Variants in PAFAH2 observed in about 807,000 individuals in gnomAD.
PAFAH2 encodes the protein platelet-activating factor acetylhydrolase 2, cytoplasmic.
In PAFAH2, 42 loss-of-function variants were observed where a neutral mutation model predicts 49.0. That is an observed-to-expected ratio of 0.86 (90% CI 0.67 to 1.11). PAFAH2 has a LOEUF of 1.11. Ranked by LOEUF, PAFAH2 falls within the 50% of genes least tolerant of loss-of-function variation. The probability of loss-of-function intolerance (pLI) is 0.00; values close to 1 mark genes in which losing one functional copy is unlikely to be tolerated. For missense variants in PAFAH2, 503 were observed against 501.8 expected, an observed-to-expected ratio of 1.00 and a Z score of -0.02; for synonymous variants, 184 against 181.3, an observed-to-expected ratio of 1.01 and a Z score of -0.12.
rs1238469637 is a variant in PAFAH2, at chr1:25,959,968, A to T, written c.*2021T>A. The T allele has an allele frequency of 6.6e-6, 1 of 152,220 alleles. No homozygotes were observed. The highest frequency in any genetic ancestry group is 6.6e-5 in the Admixed American group (1 of 15,264). 9.4% of individuals were successfully genotyped at this position (152,220 alleles called of 1,614,324 possible). A position where few individuals can be genotyped will look rare whatever the true frequency, so the allele number is the denominator to read the frequency against. ...GAAGGTAGGAAATATACTTTTAAGT[A>T]ACCCATGGGTTATACATCCTCTCAC... On this transcript the variant is annotated 3_prime_UTR_variant, in exon 11 of 11. Coordinates refer to ENST00000374282, the MANE Select transcript of PAFAH2 (RefSeq NM_000437.4).
At chr1:25,979,957 T>C (rs868776453) in intron 7 of PAFAH2, among the ~76,000 whole-genome samples, 9 of 152,326 alleles carry the variant, frequency 5.9e-5, no homozygotes, top group Middle Eastern at 6.8e-3. Flanking sequence ...TGGACCTCAG[T>C]GCCCAGGGCA....
At chr1:25,981,190 C>T (rs982163129) in intron 7 of PAFAH2, among the ~76,000 whole-genome samples, 1 of 148,516 alleles carries the variant, frequency 6.7e-6, no homozygotes, top group Non-Finnish European at 1.5e-5. Flanking sequence ...GGCCACAAAA[C>T]AGCTTGTATT....
intron 10 of PAFAH2, among the ~76,000 whole-genome samples, chr1:25,966,285 A>G (rs1490418794): frequency 6.6e-6 from 1 of 152,198 alleles, no homozygotes; most frequent in Non-Finnish European, 1.5e-5. Flanking sequence ...CCAAAGGGAA[A>G]GAAATCATTA....
At position 25,974,642 on chromosome 1, in the gene PAFAH2, A is replaced by C; in HGVS notation, c.767T>G (p.Val256Gly). Residue 256 changes from valine (V) to glycine (G), a missense_variant, in exon 9 of 11, where the codon GTG (valine) becomes GGG (glycine). Coordinates refer to ENST00000374282, the MANE Select transcript of PAFAH2 (RefSeq NM_000437.4). ...LAKETQFRCA[V>G]ALDAWMFPLE... ...AGGAAACATCCAAGCATCCAGAGCCACCGCACACCTGGAATAGGACCAGAC... is the reference window on the plus strand; with the variant it reads ...AGGAAACATCCAAGCATCCAGAGCCCCCGCACACCTGGAATAGGACCAGAC... 1 of 1,613,454 alleles carries C rather than the reference A, an allele frequency of 6.2e-7. No individual in the cohort carries two copies. Among genetic ancestry groups the C allele is most frequent in the Non-Finnish European group, 8.5e-7 (1 of 1,179,690 alleles).
At chr1:25,978,127 A>G (rs2049624321) in intron 7 of PAFAH2, among the ~76,000 whole-genome samples, 1 of 152,032 alleles carries the variant, frequency 6.6e-6, no homozygotes, top group Admixed American at 6.6e-5. Context: ...TGTCTATTCC[A>G]AGGCTTTGTA....
intron 10 of PAFAH2, among the ~76,000 whole-genome samples, chr1:25,967,585 T>C (rs572933548): frequency 1.7e-4 from 26 of 152,082 alleles, no homozygotes; most frequent in Non-Finnish European, 3.1e-4. Flanking sequence ...TTCCAGAAGT[T>C]GGGGAATGAG....
intron 6 of PAFAH2, among the ~76,000 whole-genome samples, chr1:25,983,147 T>C (rs537401810): frequency 6.0e-4 from 91 of 152,134 alleles, no homozygotes; most frequent in African/African-American, 2.1e-3. Context: ...CTCCAGCACT[T>C]TGGAAGGCCA....
chr1:25,996,435 C>T (rs1008220711), intron 1 of PAFAH2, among the ~76,000 whole-genome samples: 38 of 152,046 alleles, frequency 2.5e-4, no homozygotes, highest in Non-Finnish European at 5.0e-4. Flanking sequence ...GTCAGGAGAT[C>T]GAGACCATCC....
intron 7 of PAFAH2, among the ~76,000 whole-genome samples, chr1:25,977,716 T>G (rs1006147450): frequency 1.4e-4 from 21 of 151,164 alleles, no homozygotes; most frequent in Admixed American, 1.4e-3. Flanking sequence ...GATTCCACAC[T>G]GACCCATCAG....
At chr1:25,990,593 G>C in intron 2 of PAFAH2, 134 bp downstream of exon 2, 1 of 656,182 alleles carries the variant, frequency 1.5e-6, no homozygotes, top group South Asian at 2.0e-5. Context: ...AGACCTGGGG[G>C]CTTGATAACC....
chr1:25,985,329 C>T (rs978470464), intron 4 of PAFAH2, among the ~76,000 whole-genome samples: 27 of 152,204 alleles, frequency 1.8e-4, no homozygotes, highest in Non-Finnish European at 1.5e-5. Flanking sequence ...AGGTATTTAA[C>T]TGCACATATT....
intron 10 of PAFAH2, among the ~76,000 whole-genome samples, chr1:25,966,433 T>A (rs929288567): frequency 2.0e-5 from 3 of 152,118 alleles, no homozygotes; most frequent in Admixed American, 1.3e-4. Context: ...GGGATACTAC[T>A]CAGTTATAAA....
intron 10 of PAFAH2, among the ~76,000 whole-genome samples, chr1:25,967,874 A>C (rs1463050224): frequency 6.6e-6 from 1 of 152,156 alleles, no homozygotes; most frequent in East Asian, 1.9e-4. Flanking sequence ...GATGATCTAA[A>C]GTAAAGAGGG....
At chr1:25,993,146 T>C (rs2049897824) in intron 1 of PAFAH2, among the ~76,000 whole-genome samples, 1 of 152,220 alleles carries the variant, frequency 6.6e-6, no homozygotes. Context: ...TCTAGTTACA[T>C]GAGTCAGTAA....
chr1:25,962,155 T>C, intron 10 of PAFAH2, 72 bp from the exon 11 acceptor site: 1 of 1,254,178 alleles, frequency 8.0e-7, no homozygotes, highest in Non-Finnish European at 1.2e-6. Context: ...TGACATGCAT[T>C]GAAGGGGTCA....
At position 25,960,478 on chromosome 1, in the gene PAFAH2, GAAGA is replaced by G. The variant is rs747558700; in HGVS notation, c.*1507_*1510del. 2 of 152,620 alleles carry G rather than the reference GAAGA, an allele frequency of 1.3e-5. No homozygotes were observed. The highest frequency in any genetic ancestry group is 2.9e-5 in the Non-Finnish European group (2 of 68,038). 9.5% of individuals were successfully genotyped at this position (152,620 alleles called of 1,614,324 possible). ...TGGGCCCAAGTAGTAAGCGAACACA[GAAGA>G]AAGACAGAAGGAAGTCAATTCCAGA... On this transcript the variant is annotated 3_prime_UTR_variant, in exon 11 of 11. Transcript: ENST00000374282.
intron 10 of PAFAH2, among the ~76,000 whole-genome samples, chr1:25,963,613 C>T (rs934364626): frequency 3.3e-5 from 5 of 152,194 alleles, no homozygotes; most frequent in African/African-American, 9.7e-5. Flanking sequence ...AAGTGATTCT[C>T]CTGCCTCAGC....
At chr1:25,966,563 A>G (rs565219731) in intron 10 of PAFAH2, among the ~76,000 whole-genome samples, 8 of 152,276 alleles carry the variant, frequency 5.3e-5, no homozygotes, top group African/African-American at 1.7e-4. Flanking sequence ...GTGGGAGCTA[A>G]ATGATGGGTA....
chr1:25,965,344 G>A (rs942255059), intron 10 of PAFAH2, among the ~76,000 whole-genome samples: 20 of 152,074 alleles, frequency 1.3e-4, no homozygotes, highest in African/African-American at 4.3e-4. Flanking sequence ...ATTGGCTCAC[G>A]CAAAGAATTC....
Sources: gnomAD v4.1 joint callset for allele counts (sites outside exome capture counted in the v4.1 genomes callset) on GRCh38, gnomAD v4.1.1 for gene constraint, MANE v1.5 for transcripts, NCBI Gene and HGNC (gene_info 2026-07-23, HGNC 2026-07-21) for gene names.